Variants in RBFOX1 observed in about 807,000 individuals in gnomAD.
The protein encoded by RBFOX1 is RNA binding protein fox-1 homolog 1.
A neutral mutation model predicts 57.7 loss-of-function variants in RBFOX1; 8 were observed. That is an observed-to-expected ratio of 0.14 (90% CI 0.08 to 0.25). The LOEUF (loss-of-function observed/expected upper bound fraction) is 0.25. Ranked by LOEUF, RBFOX1 falls within the 10% of genes least tolerant of loss-of-function variation. The probability of loss-of-function intolerance (pLI) is 1.00; values close to 1 mark genes in which losing one functional copy is unlikely to be tolerated. For missense variants in RBFOX1, 611 were observed against 548.5 expected, an observed-to-expected ratio of 1.11 and a Z score of -1.14; for synonymous variants, 326 against 222.4, an observed-to-expected ratio of 1.47 and a Z score of -4.15.
At chr16:6,958,402 C>G (rs547540181) in intron 3 of RBFOX1, among the ~76,000 whole-genome samples, 1 of 152,284 alleles carries the variant, frequency 6.6e-6, no homozygotes, top group Admixed American at 6.5e-5. Flanking sequence ...ATTTCCCCCC[C>G]TTTTTATGAT....
intron 14 of RBFOX1, among the ~76,000 whole-genome samples, chr16:7,695,809 C>G (rs527627374): frequency 1.3e-5 from 2 of 152,044 alleles, no homozygotes; most frequent in Admixed American, 1.3e-4. Flanking sequence ...AAGACAAGTT[C>G]TCTATTTTTA....
chr16:7,381,960 G>T (rs1453028749), intron 4 of RBFOX1, among the ~76,000 whole-genome samples: 3 of 152,152 alleles, frequency 2.0e-5, no homozygotes, highest in Admixed American at 6.5e-5. Flanking sequence ...CTGTCCCCTG[G>T]GGGATGAAAT....
At chr16:6,270,512 A>T (rs1382256631) in intron 1 of RBFOX1, among the ~76,000 whole-genome samples, 1 of 151,998 alleles carries the variant, frequency 6.6e-6, no homozygotes, top group East Asian at 1.9e-4. Context: ...TGATACAGTG[A>T]TACAGTGTCA....
chr16:6,493,384 A>G (rs2095679603), intron 2 of RBFOX1, among the ~76,000 whole-genome samples: 1 of 152,152 alleles, frequency 6.6e-6, no homozygotes, highest in African/African-American at 2.4e-5. Context: ...CTGTTGCTGT[A>G]CACACTTGTC....
At chr16:6,733,338 T>C (rs1297071356) in intron 3 of RBFOX1, among the ~76,000 whole-genome samples, 1 of 152,184 alleles carries the variant, frequency 6.6e-6, no homozygotes, top group Admixed American at 6.5e-5. Context: ...AGTCCTTCCA[T>C]CCTTCCATAA....
intron 2 of RBFOX1, among the ~76,000 whole-genome samples, chr16:6,404,298 A>T (rs563433009): frequency 6.6e-6 from 1 of 152,290 alleles, no homozygotes; most frequent in South Asian, 2.1e-4. Context: ...TGAAAGTTGT[A>T]TGCAAATTCC....
chr16:6,938,133 T>C (rs1305253051), intron 3 of RBFOX1, among the ~76,000 whole-genome samples: 2 of 152,146 alleles, frequency 1.3e-5, no homozygotes, highest in African/African-American at 4.8e-5. Context: ...CATATAGAAA[T>C]TTTGAACTAT....
intron 1 of RBFOX1, among the ~76,000 whole-genome samples, chr16:5,363,344 C>G (rs1218284802): frequency 2.0e-5 from 3 of 152,126 alleles, no homozygotes; most frequent in Non-Finnish European, 2.9e-5. Context: ...CGTGTCCAGC[C>G]TATTTTGGAT....
intron 1 of RBFOX1, among the ~76,000 whole-genome samples, chr16:5,371,036 C>T (rs1240217721): frequency 6.6e-6 from 1 of 152,166 alleles, no homozygotes; most frequent in Non-Finnish European, 1.5e-5. Context: ...CAACCTCTGC[C>T]TCCCGGGTTC....
chr16:6,384,567 T>A (rs1404736008), intron 2 of RBFOX1, among the ~76,000 whole-genome samples: 2 of 152,314 alleles, frequency 1.3e-5, no homozygotes, highest in East Asian at 1.9e-4. Flanking sequence ...CTTCTATACC[T>A]TATTATGGAA....
chr16:6,621,184 G>A (rs545148588), intron 2 of RBFOX1, among the ~76,000 whole-genome samples: 6 of 152,252 alleles, frequency 3.9e-5, no homozygotes, highest in Middle Eastern at 3.4e-3. Context: ...TAGTCAGGCC[G>A]GGCGCGGTGG....
intron 2 of RBFOX1, among the ~76,000 whole-genome samples, chr16:6,560,072 C>T (rs2097159371): frequency 6.6e-6 from 1 of 151,904 alleles, no homozygotes. Flanking sequence ...TTCCCTTTCC[C>T]CTAAGAAGAA....
chr16:5,721,751 C>T (rs2051944179), intron 3 of RBFOX1, among the ~76,000 whole-genome samples: 1 of 152,146 alleles, frequency 6.6e-6, no homozygotes, highest in African/African-American at 2.4e-5. Context: ...TTATTATCTG[C>T]TCATTCTGAA....
chr16:7,621,590 C>T, intron 10 of RBFOX1, among the ~76,000 whole-genome samples: 1 of 152,014 alleles, frequency 6.6e-6, no homozygotes, highest in East Asian at 1.9e-4. Context: ...AAAAACAATC[C>T]AAAAGAAATT....
chr16:7,625,444 C>A (rs1449081705), intron 10 of RBFOX1, among the ~76,000 whole-genome samples: 1 of 152,140 alleles, frequency 6.6e-6, no homozygotes, highest in East Asian at 1.9e-4. Flanking sequence ...TTAATAACTC[C>A]TGTATTAGAG....
At chr16:6,874,570 G>C (rs190616749) in intron 3 of RBFOX1, among the ~76,000 whole-genome samples, 3 of 150,890 alleles carry the variant, frequency 2.0e-5, no homozygotes, top group Admixed American at 2.0e-4. Context: ...AACCTGGATG[G>C]AGTGAGAGGC....
At chr16:5,261,913 C>G (rs1003648270) in intron 1 of RBFOX1, among the ~76,000 whole-genome samples, 12 of 152,094 alleles carry the variant, frequency 7.9e-5, no homozygotes, top group African/African-American at 2.4e-4. Context: ...TTCTTCTCTC[C>G]CAGTAGTTTC....
At chr16:7,300,969 T>C (rs9935349) in intron 4 of RBFOX1, among the ~76,000 whole-genome samples, 1,631 of 152,300 alleles carry the variant, frequency 0.011, 26 homozygotes, top group Middle Eastern at 0.068. Context: ...TCTAGAATTT[T>C]TTTTTGTGGA....
intron 2 of RBFOX1, among the ~76,000 whole-genome samples, chr16:6,544,764 C>T (rs1475055136): frequency 6.6e-6 from 1 of 152,286 alleles, no homozygotes; most frequent in African/African-American, 2.4e-5. Context: ...ACACTCCTCT[C>T]TCAAAGATAT....
Sources: allele counts gnomAD v4.1 joint callset (sites outside exome capture counted in the v4.1 genomes callset), GRCh38; gene constraint gnomAD v4.1.1; transcripts MANE v1.5; gene names NCBI Gene and HGNC (gene_info 2026-07-23, HGNC 2026-07-21).